Variants in FHOD3 observed in about 807,000 individuals in gnomAD.
The protein encoded by FHOD3 is formin homology 2 domain containing 3.
In FHOD3, 90 loss-of-function variants were observed where a neutral mutation model predicts 173.0. The observed-to-expected ratio is 0.52, with a 90% CI of 0.44 to 0.62. The LOEUF is 0.62. Ranked by LOEUF, FHOD3 falls within the 20% of genes least tolerant of loss-of-function variation. FHOD3 has a pLI of 0.00. For missense variants in FHOD3, 1,945 were observed against 2,034.7 expected, an observed-to-expected ratio of 0.96 and a Z score of 0.85; for synonymous variants, 828 against 823.0, an observed-to-expected ratio of 1.01 and a Z score of -0.10.
intron 18 of FHOD3, 48 bp downstream of exon 18, chr18:36,709,439 G>T: frequency 6.4e-7 from 1 of 1,570,778 alleles, no homozygotes; most frequent in Non-Finnish European, 8.6e-7. Flanking sequence ...GGAGGCCTGG[G>T]GTGCAGGGGC....
At chr18:36,667,845 T>G (rs964033010) in intron 14 of FHOD3, among the ~76,000 whole-genome samples, 7 of 152,180 alleles carry the variant, frequency 4.6e-5, no homozygotes, top group African/African-American at 1.4e-4. Flanking sequence ...CACTAGGTGA[T>G]AGTACATTTT....
At chr18:36,671,909 C>T (rs977266006) in intron 14 of FHOD3, among the ~76,000 whole-genome samples, 8 of 152,090 alleles carry the variant, frequency 5.3e-5, no homozygotes, top group South Asian at 2.1e-4. Context: ...TCATTTGTGA[C>T]GATGTGCCGA....
chr18:36,453,737 C>T (rs1414324695), intron 3 of FHOD3, among the ~76,000 whole-genome samples: 2 of 152,086 alleles, frequency 1.3e-5, no homozygotes, highest in Admixed American at 6.5e-5. Flanking sequence ...GAAGCTGGCA[C>T]AGCACAGGCA....
Position 36,427,408 on chromosome 18 carries a change from G to A in FHOD3, c.337+54664G>A, listed in dbSNP as rs138050699. On this transcript the variant is annotated intron_variant, in intron 3 of 28. Transcript: ENST00000590592. ...CACCTCTCAGGCCACTCCTACAGGCGGCCCCTCTCCATCCCTGAATGCTGT... is the reference window on the plus strand; with the variant it reads ...CACCTCTCAGGCCACTCCTACAGGCAGCCCCTCTCCATCCCTGAATGCTGT... Among the ~76,000 whole-genome samples, 19 of 151,946 alleles carry A rather than the reference G, an allele frequency of 1.3e-4. No individual in the cohort carries two copies. In the East Asian group the frequency reaches 2.9e-3, roughly 23 times the overall value.
At chr18:36,563,520 C>T (rs902056087) in intron 5 of FHOD3, among the ~76,000 whole-genome samples, 2 of 152,178 alleles carry the variant, frequency 1.3e-5, no homozygotes, top group Admixed American at 6.5e-5. Context: ...CCATCAGCCA[C>T]GTGCTGTGCT....
intron 3 of FHOD3, among the ~76,000 whole-genome samples, chr18:36,394,765 C>T (rs759300993): frequency 5.3e-5 from 8 of 152,052 alleles, no homozygotes; most frequent in South Asian, 2.1e-4. Context: ...TTGTTGTTGT[C>T]GTTAATAGAA....
intron 14 of FHOD3, among the ~76,000 whole-genome samples, chr18:36,678,897 T>C (rs1273957738): frequency 6.6e-6 from 1 of 152,160 alleles, no homozygotes; most frequent in Non-Finnish European, 1.5e-5. Context: ...ACACTGTTCT[T>C]ATCTGGCTTT....
chr18:36,746,345 G>A (rs1218637912), intron 23 of FHOD3, among the ~76,000 whole-genome samples: 6 of 152,216 alleles, frequency 3.9e-5, no homozygotes, highest in Non-Finnish European at 8.8e-5. Flanking sequence ...AGAACAGGAA[G>A]TTGTCTTATT....
chr18:36,438,333 G>T (rs2050931369), intron 3 of FHOD3, among the ~76,000 whole-genome samples: 1 of 152,094 alleles, frequency 6.6e-6, no homozygotes, highest in Non-Finnish European at 1.5e-5. Flanking sequence ...CTTGCCAAAT[G>T]CAGGGAGCTT....
rs544044746 is a variant in FHOD3 at position 36,739,306 on chromosome 18, A to G, written c.3577-1350A>G. On this transcript the variant is annotated intron_variant, in intron 20 of 28. Coordinates refer to ENST00000590592, the MANE Select transcript of FHOD3 (RefSeq NM_001281740.3). The stretch of plus-strand genomic sequence containing the variant: ...ATGAGTATAAATACAGTTGCCAAGA[A>G]CCCATACTTTGCTGACTCTGGGCAC... 4.1e-4 allele frequency among the ~76,000 whole-genome samples: 63 copies of G among 152,288 alleles called. No homozygotes were observed. In the South Asian group the frequency reaches 0.011, roughly 27 times the overall value.
intron 5 of FHOD3, among the ~76,000 whole-genome samples, chr18:36,526,926 C>T (rs564319878): frequency 4.6e-5 from 7 of 152,156 alleles, no homozygotes; most frequent in African/African-American, 1.2e-4. Context: ...CTATATCAGT[C>T]GAAGTCCTCA....
intron 10 of FHOD3, among the ~76,000 whole-genome samples, chr18:36,637,770 C>T (rs1284612948): frequency 2.0e-5 from 3 of 152,068 alleles, no homozygotes; most frequent in Non-Finnish European, 4.4e-5. Flanking sequence ...TTGAGGAGAC[C>T]CTCCAGAAGT....
intron 5 of FHOD3, among the ~76,000 whole-genome samples, chr18:36,518,832 C>T (rs1262284793): frequency 6.6e-6 from 1 of 152,128 alleles, no homozygotes; most frequent in Non-Finnish European, 1.5e-5. Context: ...GAAACCTCTG[C>T]TTTAGGTGTC....
intron 9 of FHOD3, 107 bp downstream of exon 9, chr18:36,612,202 T>C: frequency 8.2e-7 from 1 of 1,220,044 alleles, no homozygotes; most frequent in East Asian, 2.4e-5. Context: ...CACCACCAGC[T>C]TATTAGAAAC....
chr18:36,339,494 T>G (rs1309984460), intron 1 of FHOD3, among the ~76,000 whole-genome samples: 1 of 152,162 alleles, frequency 6.6e-6, no homozygotes, highest in Admixed American at 6.5e-5. Flanking sequence ...AATTCTTAAT[T>G]TTATTTTTGA....
At chr18:36,492,486 G>A (rs2054521367) in intron 3 of FHOD3, among the ~76,000 whole-genome samples, 1 of 152,114 alleles carries the variant, frequency 6.6e-6, no homozygotes, top group Non-Finnish European at 1.5e-5. Flanking sequence ...CATGAATGTG[G>A]TACGTTTGTT....
intron 19 of FHOD3, among the ~76,000 whole-genome samples, chr18:36,727,996 A>G (rs567585125): frequency 1.3e-5 from 2 of 152,196 alleles, no homozygotes; most frequent in Non-Finnish European, 2.9e-5. Flanking sequence ...GACACCTGCT[A>G]CTGCACCTCC....
intron 3 of FHOD3, among the ~76,000 whole-genome samples, chr18:36,493,136 C>G (rs1051728175): frequency 1.3e-5 from 2 of 152,020 alleles, no homozygotes; most frequent in African/African-American, 4.8e-5. Context: ...CCTGAAAGAC[C>G]ACAGGAAGTT....
chr18:36,650,065 G>A (rs115901259), intron 11 of FHOD3, among the ~76,000 whole-genome samples: 392 of 152,250 alleles, frequency 2.6e-3, no homozygotes, highest in African/African-American at 9.1e-3. Context: ...TTAAAATTCT[G>A]TAGATATTTT....
Sources: gnomAD v4.1 joint callset for allele counts (sites outside exome capture counted in the v4.1 genomes callset) on GRCh38, gnomAD v4.1.1 for gene constraint, MANE v1.5 for transcripts, NCBI Gene and HGNC (gene_info 2026-07-23, HGNC 2026-07-21) for gene names.